SMOC1: variants seen among roughly 807,000 people sequenced by gnomAD.
SMOC1 encodes the protein SPARC related modular calcium binding 1, also known as SPARC-related modular calcium-binding protein 1.
A neutral mutation model predicts 56.3 loss-of-function variants in SMOC1; 22 were observed. The observed-to-expected ratio is 0.39, with a 90% CI of 0.28 to 0.56. The LOEUF is 0.56. SMOC1 is among the 20% of genes least tolerant of loss of function. The pLI is 0.61. For missense variants in SMOC1, 509 were observed against 565.4 expected (o/e 0.90, Z 1.01); for synonymous variants, 193 against 215.0 (o/e 0.90, Z 0.89).
At chr14:69,950,595 C>T (rs1434081590) in intron 1 of SMOC1, among the ~76,000 whole-genome samples, 1 of 152,174 alleles carries the variant, frequency 6.6e-6, no homozygotes, top group Non-Finnish European at 1.5e-5. Context: ...GACATTCATT[C>T]CCTCAACCCA....
chr14:70,001,453 T>G (rs1884966516), intron 7 of SMOC1, among the ~76,000 whole-genome samples: 1 of 152,198 alleles, frequency 6.6e-6, no homozygotes, highest in South Asian at 2.1e-4. Context: ...ATTTTATCAC[T>G]GACATTGTTT....
At chr14:70,029,480 G>A (rs899628555) in intron 11 of SMOC1, among the ~76,000 whole-genome samples, 3 of 152,216 alleles carry the variant, frequency 2.0e-5, no homozygotes, top group South Asian at 2.1e-4. Context: ...GTGTGAAGGC[G>A]TTGGCCAGTA....
At chr14:69,940,022 C>A (rs933812365) in intron 1 of SMOC1, among the ~76,000 whole-genome samples, 2 of 152,180 alleles carry the variant, frequency 1.3e-5, no homozygotes, top group Admixed American at 6.5e-5. Context: ...CTGTGAGTGC[C>A]CAGAATCTCT....
chr14:69,992,653 T>C lies in SMOC1; in HGVS notation c.583+180T>C, dbSNP rs227419. Among the ~76,000 whole-genome samples, 91,839 of 152,148 alleles carry C rather than the reference T, an allele frequency of 0.6. 28,341 individuals carry two copies. The highest frequency in any genetic ancestry group is 0.7 in the African/African-American group (28,979 of 41,506). The stretch of plus-strand genomic sequence containing the variant: ...TAAAAAATGCAGATCCTCCCAGGAA[T>C]TGGTACACTCTCCACTTCTGGAAGG... On this transcript the variant is annotated intron_variant, in intron 6 of 11. Transcript: ENST00000361956.
chr14:69,898,223 T>C (rs1594791356), intron 1 of SMOC1, among the ~76,000 whole-genome samples: 2 of 151,964 alleles, frequency 1.3e-5, no homozygotes, highest in East Asian at 3.8e-4. Context: ...TTATCTTTGA[T>C]TTTTTTTGCA....
intron 1 of SMOC1, among the ~76,000 whole-genome samples, chr14:69,916,612 C>T (rs1271755914): frequency 1.3e-5 from 2 of 152,214 alleles, no homozygotes; most frequent in Non-Finnish European, 2.9e-5. Context: ...GGTCCATTTC[C>T]TCCTTAGGGC....
intron 11 of SMOC1, among the ~76,000 whole-genome samples, chr14:70,029,310 C>T (rs1886052379): frequency 6.6e-6 from 1 of 152,206 alleles, no homozygotes; most frequent in Non-Finnish European, 1.5e-5. Flanking sequence ...CTCTGAGCTG[C>T]TGCTGGATTC....
intron 7 of SMOC1, among the ~76,000 whole-genome samples, chr14:69,996,895 CAG>C (rs1649719534): frequency 1.3e-5 from 2 of 152,312 alleles, no homozygotes; most frequent in East Asian, 1.9e-4. Flanking sequence ...AGGCCTGTAA[CAG>C]GGGTTGTCAA....
intron 1 of SMOC1, among the ~76,000 whole-genome samples, chr14:69,930,941 G>A (rs1277726052): frequency 1.3e-5 from 2 of 152,304 alleles, no homozygotes; most frequent in Admixed American, 6.5e-5. Flanking sequence ...AGTGTAGCCC[G>A]GGCTGCTGTC....
At chr14:69,972,927 C>T (rs1049159521) in intron 3 of SMOC1, among the ~76,000 whole-genome samples, 2 of 152,196 alleles carry the variant, frequency 1.3e-5, no homozygotes, top group African/African-American at 4.8e-5. Context: ...GACACAGCCT[C>T]GGGCGATGGA....
chr14:69,988,219 T>G (rs1594840924), intron 5 of SMOC1, among the ~76,000 whole-genome samples: 1 of 152,130 alleles, frequency 6.6e-6, no homozygotes. Context: ...TTATTTGTTG[T>G]TTGTTTTCAT....
chr14:69,973,265 C>T (rs572942559), intron 3 of SMOC1, among the ~76,000 whole-genome samples: 2 of 152,314 alleles, frequency 1.3e-5, no homozygotes, highest in South Asian at 2.1e-4. Context: ...TTTCTGGCAT[C>T]GCTGAGAACA....
chr14:69,982,788 TG>T (rs1372307842), intron 5 of SMOC1, among the ~76,000 whole-genome samples: 2 of 152,216 alleles, frequency 1.3e-5, no homozygotes, highest in African/African-American at 4.8e-5. Context: ...TCAGGTGGGC[TG>T]GGCTGGGTTT....
chr14:69,997,652 G>T (rs1309733596), intron 7 of SMOC1, among the ~76,000 whole-genome samples: 1 of 152,098 alleles, frequency 6.6e-6, no homozygotes, highest in Non-Finnish European at 1.5e-5. Context: ...CAAAACACTG[G>T]TGACTCTTGG....
At chr14:69,969,417 G>A (rs547539122) in intron 3 of SMOC1, among the ~76,000 whole-genome samples, 42 of 152,242 alleles carry the variant, frequency 2.8e-4, no homozygotes, top group African/African-American at 9.4e-4. Flanking sequence ...AGGGGAAGGG[G>A]AAGCAGGCAA....
chr14:69,933,512 C>T (rs914581246), intron 1 of SMOC1, among the ~76,000 whole-genome samples: 3 of 152,152 alleles, frequency 2.0e-5, no homozygotes, highest in Non-Finnish European at 4.4e-5. Flanking sequence ...TGAGCTCACA[C>T]AAATGTAAAA....
intron 1 of SMOC1, among the ~76,000 whole-genome samples, chr14:69,893,762 A>C (rs947641737): frequency 1.3e-5 from 2 of 152,204 alleles, no homozygotes; most frequent in Non-Finnish European, 2.9e-5. Flanking sequence ...GCTGAATTCT[A>C]TCTCCTTCAA....
rs142590267 is a variant in SMOC1, at chr14:69,992,457, G to A, written c.567G>A (p.Pro189=). ...CGACACCCACGATGGAGACCCAGCC[G>A]GTGTTCGATGGAGATGGTAAGATCT... ...SKPTPTMETQ[P]VFDGDEITAP... is the part of the protein sequence containing the mutation. Residue 189 remains proline (P), a synonymous_variant, in exon 6 of 12, where the codon CCG becomes CCA. Coordinates refer to ENST00000361956, the MANE Select transcript of SMOC1 (RefSeq NM_001034852.3). 3.7e-3 allele frequency: 5,934 copies of A among 1,613,518 alleles called. 16 individuals are homozygous for A. The highest frequency in any genetic ancestry group is 5.8e-3 in the Middle Eastern group (35 of 6,062).
rs748918411 is a variant in SMOC1, at chr14:70,028,968, A to G, written c.1292-1274A>G. Among the ~76,000 whole-genome samples, 4 of 152,284 alleles carry G rather than the reference A, an allele frequency of 2.6e-5. No individual in the cohort carries two copies. The East Asian group carries it at 7.7e-4, about 29-fold the overall frequency. On this transcript the variant is annotated intron_variant, in intron 11 of 11. Transcript: ENST00000361956. Reference sequence around the variant, plus strand: ...TTCTGCAGCGCTGTACACTCCTCAAAGCCCTTTCTCCTCCTCCATGAATTC... The same window carrying G: ...TTCTGCAGCGCTGTACACTCCTCAAGGCCCTTTCTCCTCCTCCATGAATTC...
Sources: gnomAD v4.1 joint callset for allele counts (sites outside exome capture counted in the v4.1 genomes callset) on GRCh38, gnomAD v4.1.1 for gene constraint, MANE v1.5 for transcripts, NCBI Gene and HGNC (gene_info 2026-07-23, HGNC 2026-07-21) for gene names.